The following PFKFB3 variants were observed in gnomAD, a reference collection of about 807,000 sequenced individuals.
PFKFB3 encodes the protein 6-phosphofructo-2-kinase/fructose-2,6-biphosphatase 3, also known as 6-phosphofructo-2-kinase/fructose-2,6-bisphosphatase 3.
PFKFB3 carries 33 observed loss-of-function variants against 68.0 expected under a neutral mutation model. That is an observed-to-expected ratio of 0.49 (90% CI 0.37 to 0.65). The LOEUF (loss-of-function observed/expected upper bound fraction) is 0.65. Among genes scored for constraint, PFKFB3 ranks in the 30% least tolerant of loss-of-function variants. PFKFB3 has a pLI of 0.00. For synonymous variants in PFKFB3, 315 were observed against 288.2 expected (o/e 1.09, Z -0.94); for missense variants, 586 against 712.2 (o/e 0.82, Z 2.02).
the PFKFB3 span, among the ~76,000 whole-genome samples, chr10:6,273,161 C>T: frequency 6.6e-6 from 1 of 151,916 alleles, no homozygotes; most frequent in Non-Finnish European, 1.5e-5. Flanking sequence ...TGTCTGCCAC[C>T]ACGTGCGGCT....
the PFKFB3 span, among the ~76,000 whole-genome samples, chr10:6,273,934 G>A: frequency 3.9e-5 from 6 of 152,148 alleles, no homozygotes; most frequent in Non-Finnish European, 5.9e-5. Flanking sequence ...GGGCCGGTGC[G>A]ACAGCTCATT....
At chr10:6,291,812 G>T in the PFKFB3 span, among the ~76,000 whole-genome samples, 86 of 152,208 alleles carry the variant, frequency 5.7e-4, 1 homozygote, top group South Asian at 5.0e-3. Flanking sequence ...TCAGCTTTTA[G>T]TCTGGATGCT....
the PFKFB3 span, among the ~76,000 whole-genome samples, chr10:6,280,443 A>G: frequency 0.55 from 83,224 of 152,132 alleles, 25,407 homozygotes; most frequent in Non-Finnish European, 0.71. Context: ...GGGAGGAAGT[A>G]GGACGGGCCA....
the PFKFB3 span, among the ~76,000 whole-genome samples, chr10:6,306,912 A>G: frequency 0.058 from 8,773 of 152,278 alleles, 849 homozygotes; most frequent in East Asian, 0.4. Context: ...CATTGGGCCA[A>G]TGTGCCCAGA....
downstream of PFKFB3, among the ~76,000 whole-genome samples, chr10:6,235,763 TTTTTTTTC>T (rs1374848653): frequency 4.7e-5 from 6 of 127,454 alleles, no homozygotes; most frequent in Admixed American, 5.7e-4. Context: ...AATTTTTTTC[TTTTTTTTC>T]TTTTTTTTTT....
intron 14 of PFKFB3, among the ~76,000 whole-genome samples, chr10:6,245,309 C>G (rs540363955): frequency 6.6e-6 from 1 of 152,102 alleles, no homozygotes; most frequent in Non-Finnish European, 1.5e-5. Flanking sequence ...GTTGGCCAGA[C>G]TGGTCTCGAA....
Position 6,220,832 on chromosome 10 carries a change from G to T in PFKFB3, c.798G>T (p.Gly266=), listed in dbSNP as rs745451556. 1.2e-6 allele frequency: 2 copies of T among 1,612,848 alleles called. No individual in the cohort carries two copies. Among genetic ancestry groups the T allele is most frequent in the African/African-American group, 1.3e-5 (1 of 74,938 alleles). The change falls in exon 8 of 15, where the codon GGG becomes GGT. Residue 266 remains glycine, a synonymous_variant. Coordinates refer to ENST00000379775, the MANE Select transcript of PFKFB3 (RefSeq NM_004566.4). This position sits in a 1 kb window ranked among gnomAD's most constrained non-coding sequence, Gnocchi z 4.1. ...AGCACAACCTCCAGGGCCGCATCGG[G>T]GGCGACTCAGGCCTGTCCAGCCGGG... The part of the protein sequence containing the change: ...ENEHNLQGRI[G]GDSGLSSRGK...
Position 6,220,260 on chromosome 10 carries a change from C to T in PFKFB3, c.624-398C>T, listed in dbSNP as rs967562047. On this transcript the variant is annotated intron_variant, in intron 7 of 14. Coordinates refer to ENST00000379775, the MANE Select transcript of PFKFB3 (RefSeq NM_004566.4). This position sits in a 1 kb window ranked among gnomAD's most constrained non-coding sequence, Gnocchi z 4.1. ...GGGACTACAGGTGTGGGTGTCCACG[C>T]CCAGCTAATTTTTTTTTTCTTTAGT... is the stretch of plus-strand genomic sequence containing the variant. Among the ~76,000 whole-genome samples the T allele has an allele frequency of 2.7e-5, 4 of 150,942 alleles. No homozygotes were observed. Among genetic ancestry groups the T allele is most frequent in the African/African-American group, 9.8e-5 (4 of 40,998 alleles).
At chr10:6,176,021 C>G (rs1842454943) in intron 1 of PFKFB3, among the ~76,000 whole-genome samples, 1 of 152,262 alleles carries the variant, frequency 6.6e-6, no homozygotes, top group Non-Finnish European at 1.5e-5. Flanking sequence ...GAAGAATGTT[C>G]ACTGCGGCAC....
At chr10:6,265,082 A>ATTT in the PFKFB3 span, among the ~76,000 whole-genome samples, 103 of 134,478 alleles carry the variant, frequency 7.7e-4, 2 homozygotes, top group Admixed American at 1.2e-3. Context: ...TTTTTCTTTC[A>ATTT]TTTTTTTTTT....
At chr10:6,197,072 C>A (rs1843197770) in intron 1 of PFKFB3, among the ~76,000 whole-genome samples, 1 of 151,936 alleles carries the variant, frequency 6.6e-6, no homozygotes. Context: ...GCAGCCTCTG[C>A]CTCCCAGGTT....
At chr10:6,193,238 A>T (rs1843081008) in intron 1 of PFKFB3, among the ~76,000 whole-genome samples, 1 of 152,140 alleles carries the variant, frequency 6.6e-6, no homozygotes, top group South Asian at 2.1e-4. Context: ...ATAATCCCAG[A>T]TACTCGGGAG....
upstream of PFKFB3, among the ~76,000 whole-genome samples, chr10:6,201,247 G>A (rs1201793854): frequency 6.6e-6 from 1 of 151,758 alleles, no homozygotes; most frequent in Non-Finnish European, 1.5e-5. This position sits in a 1 kb window ranked among gnomAD's most constrained non-coding sequence, Gnocchi z 4.1. Context: ...TATTTCAGGA[G>A]TGGAGTGGGA....
the PFKFB3 span, among the ~76,000 whole-genome samples, chr10:6,311,577 C>T: frequency 6.6e-6 from 1 of 152,020 alleles, no homozygotes; most frequent in East Asian, 1.9e-4. Context: ...GGTGAAACCC[C>T]GTCTATACTA....
intron 1 of PFKFB3, chr10:6,146,159 T>C: frequency 1.1e-6 from 1 of 918,296 alleles, no homozygotes; most frequent in Non-Finnish European, 1.3e-6. Flanking sequence ...GAGCCTGGCC[T>C]CCCCTGGCAC....
chr10:6,302,507 A>C, the PFKFB3 span, among the ~76,000 whole-genome samples: 1 of 144,074 alleles, frequency 6.9e-6, no homozygotes, highest in Non-Finnish European at 1.5e-5. Flanking sequence ...TCAGCCTCCC[A>C]AGTAGCTGGG....
At chr10:6,189,318 T>A (rs1842964683) in intron 1 of PFKFB3, among the ~76,000 whole-genome samples, 1 of 152,202 alleles carries the variant, frequency 6.6e-6, no homozygotes, top group Non-Finnish European at 1.5e-5. Context: ...TTTTAGAATA[T>A]CCCTAATTTT....
At chr10:6,312,233 C>T in the PFKFB3 span, among the ~76,000 whole-genome samples, 83 of 152,144 alleles carry the variant, frequency 5.5e-4, no homozygotes, top group Middle Eastern at 0.017. Context: ...CTGAACTTTT[C>T]GGTAAAGAAC....
the PFKFB3 span, among the ~76,000 whole-genome samples, chr10:6,310,366 G>T: frequency 6.6e-6 from 1 of 152,118 alleles, no homozygotes; most frequent in Non-Finnish European, 1.5e-5. Context: ...TCTCAGCCAA[G>T]GTGGGAAATG....
Sources: gnomAD v4.1 joint callset for allele counts (sites outside exome capture counted in the v4.1 genomes callset) on GRCh38, gnomAD v4.1.1 for gene constraint, Gnocchi (gnomAD v3.1) non-coding constraint, MANE v1.5 for transcripts, NCBI Gene and HGNC (gene_info 2026-07-23, HGNC 2026-07-21) for gene names.